CCDC25: variants seen among roughly 807,000 people sequenced by gnomAD.
The protein encoded by CCDC25 is coiled-coil domain-containing protein 25.
CCDC25 carries 16 observed loss-of-function variants against 35.3 expected under a neutral mutation model. The observed-to-expected ratio is 0.45, with a 90% CI of 0.31 to 0.69. The LOEUF is 0.69. CCDC25 is among the 30% of genes least tolerant of loss of function. The probability of loss-of-function intolerance (pLI) is 0.06; values close to 1 mark genes in which losing one functional copy is unlikely to be tolerated. For synonymous variants in CCDC25, 79 were observed against 80.3 expected (o/e 0.98, Z 0.09); for missense variants, 179 against 250.7 (o/e 0.71, Z 1.93).
At chr8:27,772,433 C>CA (rs1804660974) in intron 1 of CCDC25, 80 bp downstream of exon 1, 4 of 1,409,052 alleles carry the variant, frequency 2.8e-6, no homozygotes, top group East Asian at 5.0e-5. Context: ...GAGCGAGGGT[C>CA]AGGCGCAGCG....
chr8:27,759,716 G>A (rs1804152660), intron 3 of CCDC25, among the ~76,000 whole-genome samples: 1 of 138,948 alleles, frequency 7.2e-6, no homozygotes, highest in African/African-American at 2.7e-5. Flanking sequence ...GGAGGTAGAG[G>A]TTACAGTGAG....
intron 1 of CCDC25, among the ~76,000 whole-genome samples, chr8:27,766,268 C>T (rs982343473): frequency 6.6e-6 from 1 of 152,222 alleles, no homozygotes; most frequent in African/African-American, 2.4e-5. Flanking sequence ...GCTATCACTC[C>T]ACAGCACAGA....
intron 4 of CCDC25, chr8:27,753,045 T>G (rs1803871694): frequency 1.3e-5 from 2 of 153,488 alleles, no homozygotes; most frequent in South Asian, 2.0e-4. Context: ...AGGTCATCTA[T>G]CCTCAGCTTT....
Position 27,736,005 on chromosome 8 carries a change from CTGTCAAG to C in CCDC25, c.*204_*210del. On this transcript the variant is annotated 3_prime_UTR_variant, in exon 9 of 9. Transcript: ENST00000356537. Reference sequence around the variant, plus strand: ...AAACATTTTCACTTTAAGTTATATGCTGTCAAGTTCAACTATTTTATACATATCTGAT... The same window carrying C: ...AAACATTTTCACTTTAAGTTATATGCTTCAACTATTTTATACATATCTGAT... 2.1e-6 allele frequency: 1 copy of C among 480,306 alleles called. No individual in the cohort carries two copies. The allele number at this position is 480,306 out of a possible 1,614,324, so 29.8% of individuals were successfully genotyped here. A position where few individuals can be genotyped will look rare whatever the true frequency, so the allele number is the denominator to read the frequency against.
At position 27,772,466 on chromosome 8, in the gene CCDC25, G is replaced by A. The variant is rs909680467; in HGVS notation, c.28+47C>T. On this transcript the variant is annotated intron_variant, in intron 1 of 8. Transcript: ENST00000356537. Reference sequence around the variant, plus strand: ...GCGGCGGACTGCGGGTCCCGGCTTCGGAGCCCGCTGTCCAGCAGGGTCCAG... The same window carrying A: ...GCGGCGGACTGCGGGTCCCGGCTTCAGAGCCCGCTGTCCAGCAGGGTCCAG... 3 of 1,542,782 alleles carry A rather than the reference G, an allele frequency of 1.9e-6. No individual in the cohort carries two copies. The African/African-American group carries it at 4.1e-5, about 21-fold the overall frequency.
At chr8:27,753,975 T>G (rs931422824) in intron 4 of CCDC25, among the ~76,000 whole-genome samples, 18 of 152,228 alleles carry the variant, frequency 1.2e-4, no homozygotes, top group African/African-American at 3.6e-4. Context: ...TATTTTTATT[T>G]TTTAAGTTAT....
Position 27,735,678 on chromosome 8 carries a change from C to T in CCDC25, c.*538G>A, listed in dbSNP as rs149136421. 36 of 153,522 alleles carry T rather than the reference C, an allele frequency of 2.3e-4. No individual in the cohort carries two copies. In the East Asian group the frequency reaches 6.9e-3, roughly 30 times the overall value. The allele number at this position is 153,522 out of a possible 1,614,324, so 9.5% of individuals were successfully genotyped here. A position where few individuals can be genotyped will look rare whatever the true frequency, so the allele number is the denominator to read the frequency against. On this transcript the variant is annotated 3_prime_UTR_variant, in exon 9 of 9. Transcript: ENST00000356537. ...CACTGAGGGTCACTACACTAACAGACCCAGATGACACGATGGAACATGAAT... is the reference window on the plus strand; with the variant it reads ...CACTGAGGGTCACTACACTAACAGATCCAGATGACACGATGGAACATGAAT...
At chr8:27,762,085 T>C (rs921107806) in intron 3 of CCDC25, among the ~76,000 whole-genome samples, 4 of 152,184 alleles carry the variant, frequency 2.6e-5, no homozygotes, top group Non-Finnish European at 5.9e-5. Context: ...ATTTTCTTCA[T>C]TGCTTCATGT....
intron 1 of CCDC25, among the ~76,000 whole-genome samples, chr8:27,766,632 G>C (rs1563460529): frequency 6.6e-6 from 1 of 152,100 alleles, no homozygotes; most frequent in Non-Finnish European, 1.5e-5. Flanking sequence ...GATTTTCTCT[G>C]CATGGCCTGG....
chr8:27,760,747 C>G (rs1181933523), intron 3 of CCDC25, among the ~76,000 whole-genome samples: 1 of 152,160 alleles, frequency 6.6e-6, no homozygotes, highest in Admixed American at 6.5e-5. Flanking sequence ...GAGCACCAAG[C>G]AGGGTTTAAC....
At position 27,748,684 on chromosome 8, in the gene CCDC25, A is replaced by T. The variant is rs960947386; in HGVS notation, c.245-86T>A. The T allele has an allele frequency of 8.4e-6, 8 of 947,206 alleles. No individual in the cohort carries two copies. The African/African-American group carries it at 1.1e-4, about 13-fold the overall frequency. The allele number at this position is 947,206 out of a possible 1,614,324, so 58.7% of individuals were successfully genotyped here. A position where few individuals can be genotyped will look rare whatever the true frequency, so the allele number is the denominator to read the frequency against. ...ACCCACTGGCAAACTGCCATAAGCC[A>T]ACAAGGGAAACGGCTTAGAACGAAC... On this transcript the variant is annotated intron_variant, in intron 5 of 8. Coordinates refer to ENST00000356537, the MANE Select transcript of CCDC25 (RefSeq NM_018246.3).
At position 27,735,905 on chromosome 8, in the gene CCDC25, G is replaced by A. The variant is rs1438487812; in HGVS notation, c.*311C>T. On this transcript the variant is annotated 3_prime_UTR_variant, in exon 9 of 9. Coordinates refer to ENST00000356537, the MANE Select transcript of CCDC25 (RefSeq NM_018246.3). ...CAGAGCAGCAGAAGTACTTTTCAGA[G>A]CTGGTTCATTTTAAAGTCTATCTCA... is the stretch of plus-strand genomic sequence containing the variant. 9 of 253,022 alleles carry A rather than the reference G, an allele frequency of 3.6e-5. No individual in the cohort carries two copies. The East Asian group carries it at 7.8e-4, about 22-fold the overall frequency. 15.7% of individuals were successfully genotyped at this position (253,022 alleles called of 1,614,324 possible). A position where few individuals can be genotyped will look rare whatever the true frequency, so the allele number is the denominator to read the frequency against.
At chr8:27,772,204 A>G (rs1221820874) in intron 1 of CCDC25, 6 of 514,138 alleles carry the variant, frequency 1.2e-5, no homozygotes, top group African/African-American at 1.9e-5. Context: ...TGTGTGGAGG[A>G]GCCCACAGGC....
chr8:27,769,669 C>T (rs1401908829), intron 1 of CCDC25, among the ~76,000 whole-genome samples: 1 of 152,096 alleles, frequency 6.6e-6, no homozygotes, highest in Admixed American at 6.5e-5. Flanking sequence ...AGAGAAATAG[C>T]TCATGGCACA....
intron 1 of CCDC25, among the ~76,000 whole-genome samples, chr8:27,770,099 A>T (rs1395857797): frequency 1.3e-5 from 2 of 152,170 alleles, no homozygotes; most frequent in East Asian, 3.9e-4. Context: ...AACTGAGATC[A>T]CACCACCGTA....
chr8:27,766,168 T>C (rs1804393760), intron 1 of CCDC25, among the ~76,000 whole-genome samples: 1 of 152,234 alleles, frequency 6.6e-6, no homozygotes. Context: ...GCCCTCAGGC[T>C]ACAAAGCCTG....
At chr8:27,771,727 T>C (rs1260071848) in intron 1 of CCDC25, among the ~76,000 whole-genome samples, 1 of 152,092 alleles carries the variant, frequency 6.6e-6, no homozygotes, top group East Asian at 1.9e-4. Flanking sequence ...GAACGTTAAG[T>C]GGGTCCCAGG....
chr8:27,765,240 C>A lies in CCDC25; in HGVS notation c.40G>T (p.Ala14Ser), dbSNP rs1291210253. 8.7e-6 allele frequency: 13 copies of A among 1,490,772 alleles called. No individual in the cohort carries two copies. Among genetic ancestry groups the A allele is most frequent in the Admixed American group, 2.0e-5 (1 of 48,828 alleles). 92.3% of individuals were successfully genotyped at this position (1,490,772 alleles called of 1,614,324 possible). A position where few individuals can be genotyped will look rare whatever the true frequency, so the allele number is the denominator to read the frequency against. The change falls in exon 2 of 9, where the codon GCC becomes TCC. Residue 14 changes from alanine (A) to serine (S), a missense_variant. By Grantham distance (99) the Ala-to-Ser change is moderately conservative. Transcript: ENST00000356537. ...YFTSSSVNSS[A>S]YTIYMGKDKY... ...TCTTTTCCCATGTAAATAGTGTAGG[C>A]AGATGAATTAACTAAGATAAAACAA... is the stretch of plus-strand genomic sequence containing the variant.
intron 7 of CCDC25, 98 bp from the exon 8 acceptor site, chr8:27,740,615 C>T (rs1025412342): frequency 1.0e-6 from 1 of 991,078 alleles, no homozygotes; most frequent in African/African-American, 1.6e-5. Context: ...TGCTCAGGGG[C>T]TTTAGAAGAA....
Sources: allele counts gnomAD v4.1 joint callset (sites outside exome capture counted in the v4.1 genomes callset), GRCh38; gene constraint gnomAD v4.1.1; transcripts MANE v1.5; gene names NCBI Gene and HGNC (gene_info 2026-07-23, HGNC 2026-07-21).